The following MAMLD1 variants were observed in gnomAD, a reference collection of about 807,000 sequenced individuals.
MAMLD1 encodes mastermind like domain containing 1.
MAMLD1 carries 14 observed loss-of-function variants against 45.0 expected under a neutral mutation model. The ratio of observed to expected loss-of-function variants is 0.31; its 90% CI spans 0.21 to 0.49. MAMLD1 has a LOEUF of 0.49. MAMLD1 is among the 20% of genes least tolerant of loss of function. MAMLD1 has a pLI of 0.99. For missense variants in MAMLD1, 543 were observed against 603.6 expected (o/e 0.90, Z 1.05); for synonymous variants, 254 against 247.8 (o/e 1.02, Z -0.24).
chrX:150,512,761 C>CGCT lies in MAMLD1; in HGVS notation c.*812_*814dup. The CGCT allele has an allele frequency of 8.7e-7, 1 of 1,154,654 alleles. No individual in the cohort carries two copies. On this transcript the variant is annotated 3_prime_UTR_variant, in exon 8 of 8. Coordinates refer to ENST00000370401, the MANE Select transcript of MAMLD1 (RefSeq NM_005491.5). ...CAAGCTATGTGGCTGCTGCTGCCAC[C>CGCT]GCTGCTGCTGCTTCTGCCGTTGCTG... is the stretch of plus-strand genomic sequence containing the variant.
intron 1 of MAMLD1, among the ~76,000 whole-genome samples, chrX:150,398,290 G>GAAGAAGAAGAAGAAGAAGAAC (rs2033544961): frequency 1.2e-5 from 1 of 84,319 alleles, no homozygotes; most frequent in African/African-American, 4.6e-5. Context: ...AGAAGAAGAA[G>GAAGAAGAAGAAGAAGAAGAAC]AAGAAGAAGA....
intron 1 of MAMLD1, among the ~76,000 whole-genome samples, chrX:150,399,945 A>T (rs1174472101): frequency 8.9e-6 from 1 of 112,172 alleles, no homozygotes; most frequent in East Asian, 2.8e-4. Context: ...AAACTCTGGC[A>T]TTGGTGGTAC....
rs145352768 is a variant in MAMLD1 at position 150,393,113 on chromosome X, T to G, written c.-64+29583T>G. Among the ~76,000 whole-genome samples the G allele has an allele frequency of 5.1e-3, 570 of 111,973 alleles. 2 individuals carry two copies. The highest frequency in any genetic ancestry group is 0.018 in the African/African-American group (550 of 30,833). ...CCTCTGTGCTCTGCCTATTTATCCC[T>G]CCCTTCCAATCCCTGGCAACCACTG... On this transcript the variant is annotated intron_variant, in intron 1 of 7. Transcript: ENST00000370401.
chrX:150,408,553 T>C (rs2034051349), intron 1 of MAMLD1, among the ~76,000 whole-genome samples: 1 of 112,385 alleles, frequency 8.9e-6, no homozygotes, highest in Non-Finnish European at 1.9e-5. Context: ...CTTGCCTCCA[T>C]GTCAACTTTT....
At chrX:150,453,242 A>G (rs781912713) in intron 2 of MAMLD1, among the ~76,000 whole-genome samples, 58 of 112,151 alleles carry the variant, frequency 5.2e-4, no homozygotes, top group African/African-American at 1.9e-3. Flanking sequence ...GTTTTTGTAA[A>G]TAAACTTTTA....
Position 150,461,886 on chromosome X carries a change from T to G in MAMLD1, c.97-886T>G, listed in dbSNP as rs1250283448. ...CCTCAGTGGCTTAAACAGATTTCTT[T>G]TAACTATGAGGTAGTGCACTAGATG... On this transcript the variant is annotated intron_variant, in intron 2 of 7. Coordinates refer to ENST00000370401, the MANE Select transcript of MAMLD1 (RefSeq NM_005491.5). Among the ~76,000 whole-genome samples, 3 of 112,256 alleles carry G rather than the reference T, an allele frequency of 2.7e-5. No individual in the cohort carries two copies. The Admixed American group carries it at 2.8e-4, about 11-fold the overall frequency.
chrX:150,484,884 C>A (rs1257896578), intron 5 of MAMLD1, among the ~76,000 whole-genome samples: 1 of 110,973 alleles, frequency 9.0e-6, no homozygotes, highest in Non-Finnish European at 1.9e-5. Flanking sequence ...ACAATATGAC[C>A]CCCCAAGGTT....
intron 7 of MAMLD1, 91 bp from the exon 8 acceptor site, chrX:150,511,913 C>T (rs1324853667): frequency 2.4e-6 from 2 of 844,152 alleles, no homozygotes; most frequent in Admixed American, 4.5e-5. Context: ...GTGAGAAGTC[C>T]GTGTTGGGCC....
chrX:150,430,010 C>CT (rs1217241148), intron 1 of MAMLD1, among the ~76,000 whole-genome samples: 1 of 64,532 alleles, frequency 1.5e-5, no homozygotes, highest in Non-Finnish European at 3.0e-5. Context: ...TCTTTTCTTT[C>CT]TTTCTTTTCT....
chrX:150,451,417 G>C (rs189521638), intron 2 of MAMLD1, among the ~76,000 whole-genome samples: 129 of 111,462 alleles, frequency 1.2e-3, no homozygotes, highest in African/African-American at 4.0e-3. Flanking sequence ...GGCCAGCCCT[G>C]TGGGTGTGGG....
intron 5 of MAMLD1, among the ~76,000 whole-genome samples, chrX:150,493,380 T>C (rs1410067912): frequency 1.8e-5 from 2 of 112,354 alleles, no homozygotes; most frequent in Admixed American, 9.4e-5. Context: ...TGATTTTATA[T>C]AAACTTGAGT....
intron 2 of MAMLD1, among the ~76,000 whole-genome samples, chrX:150,460,241 G>C (rs2035993519): frequency 9.0e-6 from 1 of 111,712 alleles, no homozygotes; most frequent in Non-Finnish European, 1.9e-5. Flanking sequence ...CCAATCCCAT[G>C]TCCTGCTCTT....
At chrX:150,389,766 C>T (rs1280896353) in intron 1 of MAMLD1, among the ~76,000 whole-genome samples, 3 of 111,964 alleles carry the variant, frequency 2.7e-5, no homozygotes, top group Non-Finnish European at 5.6e-5. Flanking sequence ...TTGTCCATTT[C>T]TCCTTTTAGC....
At chrX:150,483,037 G>A (rs1216788132) in intron 5 of MAMLD1, among the ~76,000 whole-genome samples, 3 of 112,148 alleles carry the variant, frequency 2.7e-5, no homozygotes, top group African/African-American at 9.7e-5. Flanking sequence ...CGCCATCTCT[G>A]ACTGGCTTTC....
At chrX:150,384,681 T>G (rs2032831310) in intron 1 of MAMLD1, among the ~76,000 whole-genome samples, 1 of 112,178 alleles carries the variant, frequency 8.9e-6, no homozygotes, top group East Asian at 2.8e-4. Flanking sequence ...TCTAAGAAAC[T>G]ATTTCTTAAC....
chrX:150,454,839 C>T (rs2035793177), intron 2 of MAMLD1, among the ~76,000 whole-genome samples: 1 of 110,634 alleles, frequency 9.0e-6, no homozygotes. Context: ...TACCACCATC[C>T]CACCATCCCA....
At chrX:150,455,733 C>T (rs2035836299) in intron 2 of MAMLD1, among the ~76,000 whole-genome samples, 2 of 108,235 alleles carry the variant, frequency 1.8e-5, no homozygotes, top group East Asian at 2.9e-4. Context: ...CTGCTAAGTT[C>T]TTCTATTAGA....
At chrX:150,373,807 C>T (rs1221491778) in intron 1 of MAMLD1, among the ~76,000 whole-genome samples, 5 of 111,900 alleles carry the variant, frequency 4.5e-5, no homozygotes, top group African/African-American at 9.8e-5. Flanking sequence ...GAGCCTCTAA[C>T]TTGAATTAAA....
intron 1 of MAMLD1, among the ~76,000 whole-genome samples, chrX:150,388,764 C>T (rs2033043264): frequency 1.8e-5 from 2 of 111,649 alleles, no homozygotes; most frequent in Non-Finnish European, 3.8e-5. Context: ...TTTAAAAAAA[C>T]TAGCTTTTTG....
Sources: gnomAD v4.1 joint callset for allele counts (sites outside exome capture counted in the v4.1 genomes callset) on GRCh38, gnomAD v4.1.1 for gene constraint, MANE v1.5 for transcripts, NCBI Gene and HGNC (gene_info 2026-07-23, HGNC 2026-07-21) for gene names.